Variants in PDE12 observed in about 807,000 individuals in gnomAD.
PDE12 encodes 2',5'-phosphodiesterase 12.
PDE12 carries 26 observed loss-of-function variants against 45.4 expected under a neutral mutation model. The ratio of observed to expected loss-of-function variants is 0.57; its 90% CI spans 0.42 to 0.79. The LOEUF (loss-of-function observed/expected upper bound fraction) is 0.79, where lower values mean the gene tolerates loss of function less well. Ranked by LOEUF, PDE12 falls within the 30% of genes least tolerant of loss-of-function variation. PDE12 has a pLI of 0.00. For synonymous variants in PDE12, 283 were observed against 323.9 expected (o/e 0.87, Z 1.36); for missense variants, 668 against 790.0 (o/e 0.85, Z 1.85).
the PDE12 span, chr3:57,572,193 G>A: frequency 5.0e-6 from 8 of 1,597,438 alleles, no homozygotes; most frequent in Non-Finnish European, 6.9e-6. Flanking sequence ...CATGTCCTTG[G>A]TTAGATATCC....
the PDE12 span, chr3:57,628,794 C>T: frequency 1.5e-5 from 24 of 1,605,194 alleles, no homozygotes; most frequent in Non-Finnish European, 2.0e-5. Flanking sequence ...TAATCTTTGG[C>T]TGTTTTGGCT....
At chr3:57,613,930 T>C in the PDE12 span, among the ~76,000 whole-genome samples, 5,003 of 140,238 alleles carry the variant, frequency 0.036, 326 homozygotes, top group African/African-American at 0.13. Context: ...AAAAGAAATA[T>C]GAAGACACAA....
At chr3:57,558,411 C>G (rs1353694688) in intron 1 of PDE12, among the ~76,000 whole-genome samples, 3 of 152,176 alleles carry the variant, frequency 2.0e-5, no homozygotes, top group Non-Finnish European at 2.9e-5. Flanking sequence ...CCTGTGCTTA[C>G]GCTTGAAAAC....
At chr3:57,641,834 A>G in the PDE12 span, 4 of 1,085,290 alleles carry the variant, frequency 3.7e-6, no homozygotes, top group South Asian at 1.4e-5. Context: ...TTTTTTTTCA[A>G]TGAACAATAC....
At chr3:57,559,179 C>G in intron 1 of PDE12, 131 bp from the exon 2 acceptor site, 2 of 684,778 alleles carry the variant, frequency 2.9e-6, no homozygotes, top group Non-Finnish European at 2.5e-6. Flanking sequence ...CGAGATCGCG[C>G]TACTGCACTC....
the PDE12 span, among the ~76,000 whole-genome samples, chr3:57,647,192 C>G: frequency 1.3e-5 from 2 of 152,084 alleles, no homozygotes; most frequent in African/African-American, 4.8e-5. Flanking sequence ...AAAGAAAAAT[C>G]AAACAACAAT....
chr3:57,609,956 C>G, the PDE12 span, among the ~76,000 whole-genome samples: 3 of 152,084 alleles, frequency 2.0e-5, no homozygotes, highest in Non-Finnish European at 2.9e-5. Flanking sequence ...GACCAATATC[C>G]CTGATAAACA....
At chr3:57,634,778 A>C in the PDE12 span, 6 of 1,542,886 alleles carry the variant, frequency 3.9e-6, no homozygotes, top group Non-Finnish European at 5.2e-6. Flanking sequence ...ACCTGAAGGA[A>C]GCAGCATAAA....
the PDE12 span, among the ~76,000 whole-genome samples, chr3:57,621,628 C>T: frequency 6.6e-6 from 1 of 151,790 alleles, no homozygotes; most frequent in Admixed American, 6.6e-5. Context: ...CCATTGCACT[C>T]CAGCCTGGGT....
chr3:57,622,103 G>A, the PDE12 span, among the ~76,000 whole-genome samples: 1 of 152,204 alleles, frequency 6.6e-6, no homozygotes, highest in African/African-American at 2.4e-5. Context: ...TTGAACCCGG[G>A]AGGTGGAGGT....
rs777431050 is a variant in PDE12 at position 57,557,297 on chromosome 3, G to C, written c.918G>C (p.Thr306=). Residue 306 remains threonine (T), a synonymous_variant, in exon 1 of 3, where the codon ACG becomes ACC. Transcript: ENST00000311180. ...TCTCTTACAACATCCTGGCAGACAC[G>C]TACGCGCAGACTGAGTTCTCGCGAA... ...RTVSYNILAD[T]YAQTEFSRTV... 6.2e-7 allele frequency: 1 copy of C among 1,613,772 alleles called. No homozygotes were observed. Among genetic ancestry groups the C allele is most frequent in the Non-Finnish European group, 8.5e-7 (1 of 1,180,034 alleles).
chr3:57,654,655 A>G, the PDE12 span: 1 of 985,354 alleles, frequency 1.0e-6, no homozygotes, highest in East Asian at 1.1e-4. Context: ...TCTCACCTCA[A>G]AAACAGAATG....
chr3:57,577,186 T>G, the PDE12 span: 48 of 760,958 alleles, frequency 6.3e-5, no homozygotes, highest in Non-Finnish European at 1.0e-4. Context: ...TAATATAGTT[T>G]CTTAAGTTTA....
the PDE12 span, chr3:57,654,664 T>C: frequency 2.0e-6 from 2 of 985,110 alleles, no homozygotes; most frequent in Non-Finnish European, 1.2e-6. Flanking sequence ...AAAAACAGAA[T>C]GAGGAAACTA....
the PDE12 span, chr3:57,634,732 C>A: frequency 6.4e-7 from 1 of 1,571,112 alleles, no homozygotes; most frequent in Non-Finnish European, 8.6e-7. Flanking sequence ...TCTTTAGATT[C>A]TTCAGTTTTT....
the PDE12 span, among the ~76,000 whole-genome samples, chr3:57,602,409 T>G: frequency 1.3e-5 from 2 of 152,228 alleles, no homozygotes; most frequent in Non-Finnish European, 2.9e-5. Flanking sequence ...TATCTGTGCT[T>G]CTACAGAGAG....
the PDE12 span, among the ~76,000 whole-genome samples, chr3:57,613,764 G>A: frequency 6.6e-6 from 1 of 151,744 alleles, no homozygotes; most frequent in South Asian, 2.1e-4. Context: ...AGCCGGGCAT[G>A]GTGGCAGGCA....
intron 1 of PDE12, 60 bp from the exon 2 acceptor site, chr3:57,559,250 A>T: frequency 7.3e-7 from 1 of 1,369,358 alleles, no homozygotes; most frequent in Non-Finnish European, 1.0e-6. Context: ...CAAACAAACA[A>T]AAACATTCAG....
At chr3:57,630,329 A>G in the PDE12 span, 1 of 1,142,484 alleles carries the variant, frequency 8.8e-7, no homozygotes, top group South Asian at 1.7e-5. Flanking sequence ...ATTTATAAAG[A>G]GTGGATAAAG....
Sources: allele counts gnomAD v4.1 joint callset (sites outside exome capture counted in the v4.1 genomes callset), GRCh38; gene constraint gnomAD v4.1.1; transcripts MANE v1.5; gene names NCBI Gene and HGNC (gene_info 2026-07-23, HGNC 2026-07-21).